CHIC1: variants seen among roughly 807,000 people sequenced by gnomAD.
The protein encoded by CHIC1 is cysteine-rich hydrophobic domain-containing protein 1.
In CHIC1, 7 loss-of-function variants were observed where a neutral mutation model predicts 18.5. The ratio of observed to expected loss-of-function variants is 0.38; its 90% CI spans 0.22 to 0.71. CHIC1 has a LOEUF of 0.71. Among genes scored for constraint, CHIC1 ranks in the 30% least tolerant of loss-of-function variants. The pLI, the probability that CHIC1 is intolerant of heterozygous loss-of-function variation, is 0.49. For missense variants in CHIC1, 159 were observed against 176.9 expected, an observed-to-expected ratio of 0.90 and a Z score of 0.57; for synonymous variants, 77 against 73.5, an observed-to-expected ratio of 1.05 and a Z score of -0.25.
intron 3 of CHIC1, among the ~76,000 whole-genome samples, chrX:73,657,061 A>ATT (rs36102598): frequency 0.012 from 1,062 of 88,560 alleles, 7 homozygotes; most frequent in Non-Finnish European, 0.015. Flanking sequence ...TCTTTTTTTA[A>ATT]TTTTTTTTTT....
chrX:73,597,807 T>A (rs2057618333), intron 3 of CHIC1, among the ~76,000 whole-genome samples: 1 of 109,552 alleles, frequency 9.1e-6, no homozygotes, highest in Non-Finnish European at 1.9e-5. Context: ...TGTGTGATGT[T>A]CCCCTCCCTG....
chrX:73,655,479 TATACACAATATTGTGTATATATATATAC>T (rs2057940484), intron 3 of CHIC1, among the ~76,000 whole-genome samples: 1 of 70,139 alleles, frequency 1.4e-5, no homozygotes, highest in Non-Finnish European at 2.9e-5. Context: ...TATATACATA[TATACACAATATTGTGTATATATATATAC>T]ATATATACAC....
intron 3 of CHIC1, among the ~76,000 whole-genome samples, chrX:73,586,788 G>A (rs770042014): frequency 1.3e-4 from 15 of 111,713 alleles, no homozygotes; most frequent in African/African-American, 4.5e-4. Context: ...AAATTGACTA[G>A]TCCTGAGACC....
Position 73,675,798 on chromosome X carries a change from C to T in CHIC1, c.508-3528C>T, listed in dbSNP as rs1369964677. Among the ~76,000 whole-genome samples the T allele has an allele frequency of 1.2e-4, 13 of 110,688 alleles. No individual in the cohort carries two copies. The South Asian group carries it at 4.3e-3, about 37-fold the overall frequency. On this transcript the variant is annotated intron_variant, in intron 3 of 5. Coordinates refer to ENST00000373502, the MANE Select transcript of CHIC1 (RefSeq NM_001039840.4). ...TATGATGTTAGCTGGTTATTTTGCT[C>T]GTTAGTTGATGCAGTTTCTTCCTAG...
chrX:73,671,721 C>T (rs773301914), intron 3 of CHIC1, among the ~76,000 whole-genome samples: 14 of 106,850 alleles, frequency 1.3e-4, no homozygotes, highest in African/African-American at 4.4e-4. Flanking sequence ...TTTCCTTTTT[C>T]TATTAGTATT....
intron 3 of CHIC1, among the ~76,000 whole-genome samples, chrX:73,641,827 G>C (rs1190579156): frequency 9.0e-6 from 1 of 111,177 alleles, no homozygotes; most frequent in Non-Finnish European, 1.9e-5. Flanking sequence ...TTTCATCCAT[G>C]TCCCTACAAA....
chrX:73,578,531 TA>T (rs2057511302), intron 2 of CHIC1, among the ~76,000 whole-genome samples: 1 of 110,746 alleles, frequency 9.0e-6, no homozygotes, highest in Admixed American at 9.6e-5. Flanking sequence ...TTTGTCAGTA[TA>T]GATTTTGGTC....
At chrX:73,652,388 G>A (rs1337330588) in intron 3 of CHIC1, among the ~76,000 whole-genome samples, 3 of 112,127 alleles carry the variant, frequency 2.7e-5, no homozygotes, top group Non-Finnish European at 5.6e-5. Context: ...TGACAAATGG[G>A]ATCTAATGAA....
chrX:73,586,170 A>G (rs1002291607), intron 3 of CHIC1, among the ~76,000 whole-genome samples: 1 of 111,514 alleles, frequency 9.0e-6, no homozygotes, highest in Non-Finnish European at 1.9e-5. Context: ...CCACATGGCT[A>G]TATGTCAGCA....
chrX:73,627,524 G>A (rs1335241524), intron 3 of CHIC1, among the ~76,000 whole-genome samples: 1 of 112,316 alleles, frequency 8.9e-6, no homozygotes, highest in Admixed American at 9.4e-5. Flanking sequence ...ACCATAAGAC[G>A]CAGTCCTTCC....
At chrX:73,670,828 T>G (rs2058026568) in intron 3 of CHIC1, among the ~76,000 whole-genome samples, 1 of 111,823 alleles carries the variant, frequency 8.9e-6, no homozygotes, top group African/African-American at 3.3e-5. Context: ...TTTCCAAATT[T>G]CCTCCTGTTA....
chrX:73,583,800 T>C (rs1384658817), intron 2 of CHIC1, among the ~76,000 whole-genome samples: 1 of 111,555 alleles, frequency 9.0e-6, no homozygotes, highest in African/African-American at 3.3e-5. Flanking sequence ...CTTTCAACTT[T>C]AAAAGTTTAC....
At chrX:73,650,432 G>C (rs928474453) in intron 3 of CHIC1, among the ~76,000 whole-genome samples, 6 of 108,522 alleles carry the variant, frequency 5.5e-5, no homozygotes, top group Non-Finnish European at 9.7e-5. Context: ...TAGACTGGTA[G>C]CTAGACTAAT....
At chrX:73,584,325 C>T (rs2057542186) in intron 2 of CHIC1, 92 bp from the exon 3 acceptor site, 5 of 814,018 alleles carry the variant, frequency 6.1e-6, no homozygotes, top group Non-Finnish European at 8.5e-6. Context: ...TTTGTGATTC[C>T]TTAAATTATT....
intron 3 of CHIC1, among the ~76,000 whole-genome samples, chrX:73,592,669 T>TC (rs778681843): frequency 1.9e-4 from 21 of 110,669 alleles, no homozygotes; most frequent in African/African-American, 6.2e-4. Flanking sequence ...AGTTTTTTTT[T>TC]CATTGTGTCG....
chrX:73,605,725 A>T (rs1346685658), intron 3 of CHIC1, among the ~76,000 whole-genome samples: 1 of 108,703 alleles, frequency 9.2e-6, no homozygotes, highest in East Asian at 2.8e-4. Flanking sequence ...TTGTCTGTAG[A>T]GGATTTTATT....
intron 3 of CHIC1, among the ~76,000 whole-genome samples, chrX:73,624,989 G>A (rs1424923155): frequency 1.8e-5 from 2 of 112,247 alleles, no homozygotes; most frequent in South Asian, 3.7e-4. Flanking sequence ...AGTCTGATCA[G>A]TAAGAAATCC....
At chrX:73,609,875 TG>T (rs2057699707) in intron 3 of CHIC1, among the ~76,000 whole-genome samples, 1 of 109,131 alleles carries the variant, frequency 9.2e-6, no homozygotes, top group Non-Finnish European at 1.9e-5. Context: ...TCACCTTAGT[TG>T]TAACAAACAT....
chrX:73,616,173 A>G (rs909832785), intron 3 of CHIC1, among the ~76,000 whole-genome samples: 1 of 111,040 alleles, frequency 9.0e-6, no homozygotes, highest in East Asian at 2.8e-4. Context: ...ATGGGACCCA[A>G]TGTGACTACC....
Sources: gnomAD v4.1 joint callset for allele counts (sites outside exome capture counted in the v4.1 genomes callset) on GRCh38, gnomAD v4.1.1 for gene constraint, MANE v1.5 for transcripts, NCBI Gene and HGNC (gene_info 2026-07-23, HGNC 2026-07-21) for gene names.